Variants in PCSK5 observed in about 807,000 individuals in gnomAD.
PCSK5 encodes prohormone convertase 5.
A neutral mutation model predicts 233.2 loss-of-function variants in PCSK5; 129 were observed. The ratio of observed to expected loss-of-function variants is 0.55; its 90% CI spans 0.48 to 0.64. The LOEUF (loss-of-function observed/expected upper bound fraction) is 0.64, where lower values mean the gene tolerates loss of function less well. Ranked by LOEUF, PCSK5 falls within the 30% of genes least tolerant of loss-of-function variation. PCSK5 has a pLI of 0.00. For missense variants in PCSK5, 2,076 were observed against 2,430.1 expected (o/e 0.85, Z 3.06); for synonymous variants, 825 against 879.2 (o/e 0.94, Z 1.09).
intron 3 of PCSK5, among the ~76,000 whole-genome samples, chr9:76,005,768 AAGGGCT>A (rs1255994764): frequency 6.6e-6 from 1 of 152,180 alleles, no homozygotes; most frequent in Admixed American, 6.5e-5. Flanking sequence ...CTCCCTCATT[AAGGGCT>A]AGGATAGTTT....
At chr9:76,248,876 C>T (rs1220148076) in intron 24 of PCSK5, among the ~76,000 whole-genome samples, 1 of 152,144 alleles carries the variant, frequency 6.6e-6, no homozygotes, top group African/African-American at 2.4e-5. Context: ...AAGTGATCCT[C>T]CCCGCTCAGA....
chr9:75,891,448 C>A (rs1825590975), intron 1 of PCSK5, 75 bp downstream of exon 1: 1 of 1,183,780 alleles, frequency 8.4e-7, no homozygotes, highest in Non-Finnish European at 1.2e-6. Context: ...GCGTGGAACC[C>A]CCTCCCCCTC....
intron 32 of PCSK5, among the ~76,000 whole-genome samples, chr9:76,323,946 T>TTTC (rs1829285372): frequency 6.6e-6 from 1 of 151,408 alleles, no homozygotes; most frequent in African/African-American, 2.4e-5. Flanking sequence ...TTTTTTTTTT[T>TTTC]TTGAGACAGA....
intron 1 of PCSK5, among the ~76,000 whole-genome samples, chr9:75,911,942 C>T (rs1822756487): frequency 6.6e-6 from 1 of 152,160 alleles, no homozygotes; most frequent in South Asian, 2.1e-4. Context: ...ATATATATTT[C>T]ATCTCTTGAT....
At chr9:76,176,883 C>T (rs1008926625) in intron 14 of PCSK5, among the ~76,000 whole-genome samples, 2 of 152,180 alleles carry the variant, frequency 1.3e-5, no homozygotes, top group Admixed American at 1.3e-4. Flanking sequence ...TGTTGTCCTT[C>T]TTGTCATTAT....
At chr9:75,947,508 A>AG (rs1459424457) in intron 2 of PCSK5, among the ~76,000 whole-genome samples, 3 of 152,108 alleles carry the variant, frequency 2.0e-5, no homozygotes, top group Non-Finnish European at 4.4e-5. Flanking sequence ...AAAAAAAAAA[A>AG]GAACCAACAA....
chr9:76,082,400 G>A (rs778016297), intron 7 of PCSK5, among the ~76,000 whole-genome samples: 1 of 152,200 alleles, frequency 6.6e-6, no homozygotes, highest in Non-Finnish European at 1.5e-5. Flanking sequence ...GTCAGAATAA[G>A]AAGCTAAGAC....
Position 76,157,175 on chromosome 9 carries a change from G to A in PCSK5, c.1430+13G>A. 1 of 1,567,820 alleles carries A rather than the reference G, an allele frequency of 6.4e-7. No individual in the cohort carries two copies. The highest frequency in any genetic ancestry group is 8.8e-7 in the Non-Finnish European group (1 of 1,139,284). ...ACCGACAAATCAAGTAATGCTTGCT[G>A]CCGGCAAACAGCATGACAATGCCCC... On this transcript the variant is annotated intron_variant, in intron 11 of 37. Transcript: ENST00000674117.
intron 5 of PCSK5, among the ~76,000 whole-genome samples, chr9:76,063,136 C>CTT (rs112528508): frequency 6.8e-6 from 1 of 146,336 alleles, no homozygotes; most frequent in African/African-American, 2.5e-5. Context: ...ATTTTTTTTT[C>CTT]TTTTTTTTTT....
intron 9 of PCSK5, among the ~76,000 whole-genome samples, chr9:76,124,316 A>G (rs1339088164): frequency 6.6e-6 from 1 of 152,216 alleles, no homozygotes; most frequent in Admixed American, 6.5e-5. Flanking sequence ...AGCACCCAGT[A>G]AAGCATCTGG....
intron 10 of PCSK5, among the ~76,000 whole-genome samples, chr9:76,136,980 A>G (rs1823009504): frequency 1.3e-5 from 2 of 151,856 alleles, no homozygotes; most frequent in Admixed American, 1.3e-4. Flanking sequence ...ATTTTATCCA[A>G]CCTCCTTACA....
intron 20 of PCSK5, among the ~76,000 whole-genome samples, chr9:76,216,219 C>T (rs1825524972): frequency 6.6e-6 from 1 of 152,106 alleles, no homozygotes; most frequent in African/African-American, 2.4e-5. Context: ...TACAATGCCA[C>T]TGGTGGAACC....
chr9:75,949,361 C>A (rs931773299), intron 2 of PCSK5, among the ~76,000 whole-genome samples: 1 of 151,542 alleles, frequency 6.6e-6, no homozygotes, highest in South Asian at 2.1e-4. Context: ...TAAGGACTGA[C>A]CAAAATCCCA....
chr9:76,330,308 T>C (rs1829488480), intron 33 of PCSK5, among the ~76,000 whole-genome samples: 1 of 152,014 alleles, frequency 6.6e-6, no homozygotes, highest in Non-Finnish European at 1.5e-5. Flanking sequence ...AAAACAAGCA[T>C]GGGAGAAAGA....
intron 36 of PCSK5, 130 bp from the exon 37 acceptor site, chr9:76,353,903 A>G (rs1830230069): frequency 2.9e-6 from 2 of 679,298 alleles, no homozygotes; most frequent in Admixed American, 5.7e-5. Flanking sequence ...TGGGCTTAGA[A>G]CACACCATCC....
At chr9:76,052,136 A>G (rs1165162760) in intron 5 of PCSK5, among the ~76,000 whole-genome samples, 1 of 152,316 alleles carries the variant, frequency 6.6e-6, no homozygotes, top group Non-Finnish European at 1.5e-5. Context: ...TTTCATTGTC[A>G]TGATTAGTAT....
chr9:75,950,691 A>G (rs930054071), intron 2 of PCSK5, among the ~76,000 whole-genome samples: 4 of 152,212 alleles, frequency 2.6e-5, no homozygotes, highest in Non-Finnish European at 4.4e-5. Flanking sequence ...TGAAGGAAGC[A>G]CTAAACATGG....
At position 76,333,124 on chromosome 9, in the gene PCSK5, G is replaced by A. The variant is rs907920609; in HGVS notation, c.4748+514G>A. ...ACCCAGGAGTTGGAGGCTGCAGTAA[G>A]CTATGATTGCACCACTGCACTCCAG... On this transcript the variant is annotated intron_variant, in intron 34 of 37. Transcript: ENST00000674117. Among the ~76,000 whole-genome samples, 4 of 152,218 alleles carry A rather than the reference G, an allele frequency of 2.6e-5. No individual in the cohort carries two copies. The East Asian group carries it at 7.7e-4, about 29-fold the overall frequency.
intron 30 of PCSK5, among the ~76,000 whole-genome samples, chr9:76,317,137 G>C (rs898474180): frequency 6.6e-6 from 1 of 152,118 alleles, no homozygotes; most frequent in Non-Finnish European, 1.5e-5. Context: ...AAGGCAGGCA[G>C]ATCACTTGAG....
Sources: allele counts gnomAD v4.1 joint callset (sites outside exome capture counted in the v4.1 genomes callset), GRCh38; gene constraint gnomAD v4.1.1; transcripts MANE v1.5; gene names NCBI Gene and HGNC (gene_info 2026-07-23, HGNC 2026-07-21).